Variants in ZNF662 observed in about 807,000 individuals in gnomAD.
ZNF662 encodes zinc finger protein 662.
A neutral mutation model predicts 12.4 loss-of-function variants in ZNF662; 14 were observed. That is an observed-to-expected ratio of 1.13 (90% confidence interval 0.75 to 1.77). The LOEUF (loss-of-function observed/expected upper bound fraction) is 1.77. Ranked by LOEUF, ZNF662 falls within the 40% of genes most tolerant of loss-of-function variation. The pLI, the probability that ZNF662 is intolerant of heterozygous loss-of-function variation, is 0.00. For synonymous variants in ZNF662, 184 were observed against 176.4 expected (o/e 1.04, Z -0.34); for missense variants, 550 against 515.6 (o/e 1.07, Z -0.65).
intron 3 of ZNF662, among the ~76,000 whole-genome samples, 160 bp downstream of exon 3, chr3:42,909,069 A>T (rs553487721): frequency 4.5e-4 from 68 of 152,104 alleles, no homozygotes; most frequent in East Asian, 9.7e-4. Context: ...TTTTAAAAAA[A>T]TTTTTTTTAG....
At position 42,915,105 on chromosome 3, in the gene ZNF662, C is replaced by T; in HGVS notation, c.1032C>T (p.Asn344=). The change falls in exon 5 of 5, where the codon AAC becomes AAT. Residue 344 remains asparagine, a synonymous_variant. Transcript: ENST00000440367. ...ACTGTGGGAAGGGCTTCATGTGGAA[C>T]TCAGATCTTTCTCAGCACCAGAGGG... ...CKDCGKGFMW[N]SDLSQHQRVH... is the part of the protein sequence containing the mutation. 1 of 1,614,078 alleles carries T rather than the reference C, an allele frequency of 6.2e-7. No individual in the cohort carries two copies. Among genetic ancestry groups the T allele is most frequent in the Non-Finnish European group, 8.5e-7 (1 of 1,180,002 alleles).
chr3:42,912,171 A>G (rs1295181512), intron 3 of ZNF662: 1 of 140,892 alleles, frequency 7.1e-6, no homozygotes, highest in Admixed American at 7.7e-5. Flanking sequence ...ATAAAAATAT[A>G]TAAATATATA....
At position 42,913,223 on chromosome 3, in the gene ZNF662, TG is replaced by T; in HGVS notation, c.177del (p.Ile60PhefsTer11). ...SSGYPFLKPA[G>X]ISHPEQVEEP... Reference sequence around the variant, plus strand: ...CAGGATATCCATTTCTAAAGCCTGCTGGGATTTCCCATCCTGAGCAGGTGGA... The same window carrying T: ...CAGGATATCCATTTCTAAAGCCTGCTGGATTTCCCATCCTGAGCAGGTGGA... On this transcript the variant is annotated frameshift_variant, in exon 4 of 5. Transcript: ENST00000440367. LOFTEE classifies it high-confidence loss of function. The T allele has an allele frequency of 6.2e-7, 1 of 1,614,082 alleles. No individual in the cohort carries two copies.
chr3:42,906,478 C>A lies in ZNF662; in HGVS notation c.-94+310C>A, dbSNP rs964718457. Reference sequence around the variant, plus strand: ...GCCGGAGCCTGGAAGCAGTCTTGGCCCTGCCCTGGGTTCTAGGCCCGGAGA... The same window carrying A: ...GCCGGAGCCTGGAAGCAGTCTTGGCACTGCCCTGGGTTCTAGGCCCGGAGA... On this transcript the variant is annotated intron_variant, in intron 1 of 4. Coordinates refer to ENST00000440367, the MANE Select transcript of ZNF662 (RefSeq NM_207404.4). This position sits in a 1 kb window ranked among gnomAD's most constrained non-coding sequence, Gnocchi z 4.4. 9.3e-6 allele frequency: 13 copies of A among 1,404,496 alleles called. No individual in the cohort carries two copies. In the Admixed American group the frequency reaches 2.2e-4, roughly 23 times the overall value. 87.0% of individuals were successfully genotyped at this position (1,404,496 alleles called of 1,614,324 possible). A position where few individuals can be genotyped will look rare whatever the true frequency, so the allele number is the denominator to read the frequency against.
intron 4 of ZNF662, 78 bp from the exon 5 acceptor site, chr3:42,914,249 G>T (rs137878027): frequency 3.5e-5 from 45 of 1,283,700 alleles, no homozygotes; most frequent in Non-Finnish European, 4.6e-5. Flanking sequence ...AGAAGTGGAC[G>T]TATTAATACC....
intron 4 of ZNF662, 128 bp from the exon 5 acceptor site, chr3:42,914,199 A>T: frequency 1.3e-6 from 1 of 778,392 alleles, no homozygotes; most frequent in Non-Finnish European, 2.0e-6. Context: ...TGCCATTTTC[A>T]GCTGGGACAG....
At chr3:42,908,930 C>G (rs768118610) in intron 3 of ZNF662, 21 bp downstream of exon 3, 8 of 1,552,664 alleles carry the variant, frequency 5.2e-6, no homozygotes, top group Non-Finnish European at 7.1e-6. Flanking sequence ...GCACACGTGC[C>G]GGTCATCTGA....
chr3:42,909,277 A>G (rs936050886), intron 3 of ZNF662, among the ~76,000 whole-genome samples: 2 of 152,108 alleles, frequency 1.3e-5, no homozygotes, highest in African/African-American at 4.8e-5. Context: ...CTTAACGAGC[A>G]TGCTTCCTTC....
rs1306615972 is a variant in ZNF662 at position 42,909,744 on chromosome 3, A to G, written c.151+835A>G. On this transcript the variant is annotated intron_variant, in intron 3 of 4. Transcript: ENST00000440367. ...CTGGCCGGGCGGAGGAGCTCCTCAC[A>G]TCTCAGACGGGGCGGCCAGTCAGAG... Among the ~76,000 whole-genome samples, 5 of 146,226 alleles carry G rather than the reference A, an allele frequency of 3.4e-5. No homozygotes were observed. In the East Asian group the frequency reaches 8.5e-4, roughly 25 times the overall value.
At chr3:42,908,967 A>C (rs2088726325) in intron 3 of ZNF662, 58 bp downstream of exon 3, 13 of 1,215,730 alleles carry the variant, frequency 1.1e-5, no homozygotes, top group Non-Finnish European at 1.5e-5. Flanking sequence ...GATCTTTAAA[A>C]TGTCATAGAT....
At position 42,908,076 on chromosome 3, in the gene ZNF662, G is replaced by A. The variant is rs754625908; in HGVS notation, c.-39G>A. 5 of 1,614,154 alleles carry A rather than the reference G, an allele frequency of 3.1e-6. No individual in the cohort carries two copies. The Admixed American group carries it at 5.0e-5, about 16-fold the overall frequency. ...CTACTTCTCTGAGAACGAATGGATC[G>A]GCCTGGGCCCTGCTCAGAGAGCCCT... On this transcript the variant is annotated 5_prime_UTR_variant, in exon 2 of 5. Transcript: ENST00000440367.
chr3:42,912,164 AAAATATAT>A (rs961687080), intron 3 of ZNF662: 57 of 114,724 alleles, frequency 5.0e-4, no homozygotes, highest in South Asian at 4.3e-3. Flanking sequence ...TAAAAATATA[AAAATATAT>A]AAATATATAA....
rs1292427904 is a variant in ZNF662 at position 42,917,286 on chromosome 3, C to T, written c.*1932C>T. The T allele has an allele frequency of 3.6e-6, 2 of 555,300 alleles. No individual in the cohort carries two copies. Among genetic ancestry groups the T allele is most frequent in the Non-Finnish European group, 6.3e-6 (2 of 317,398 alleles). The allele number at this position is 555,300 out of a possible 1,614,324, so 34.4% of individuals were successfully genotyped here. A position where few individuals can be genotyped will look rare whatever the true frequency, so the allele number is the denominator to read the frequency against. On this transcript the variant is annotated 3_prime_UTR_variant, in exon 5 of 5. Transcript: ENST00000440367. ...TGTGTCAATCAGTTTATCCCATCCC[C>T]TTGGCCACAGAGCCATTGTGATATG...
chr3:42,911,326 T>C (rs1437404367), intron 3 of ZNF662, among the ~76,000 whole-genome samples: 1 of 151,892 alleles, frequency 6.6e-6, no homozygotes, highest in African/African-American at 2.4e-5. Context: ...GATACCCAAC[T>C]CCCCACTCCA....
rs2088922316 is a variant in ZNF662 at position 42,918,914 on chromosome 3, C to T, written c.*3560C>T. Among the ~76,000 whole-genome samples the T allele has an allele frequency of 6.6e-6, 1 of 152,096 alleles. No individual in the cohort carries two copies. The highest frequency in any genetic ancestry group is 1.5e-5 in the Non-Finnish European group (1 of 68,016). On this transcript the variant is annotated 3_prime_UTR_variant, in exon 5 of 5. Coordinates refer to ENST00000440367, the MANE Select transcript of ZNF662 (RefSeq NM_207404.4). ...AAAAATCCTAAGGCTGCTGACACAC[C>T]CAGATAACTGGTAGCTATAGTTATG...
At position 42,906,408 on chromosome 3, in the gene ZNF662, C is replaced by T. The variant is rs1029270011; in HGVS notation, c.-94+240C>T. The T allele has an allele frequency of 4.0e-6, 6 of 1,497,950 alleles. No homozygotes were observed. The African/African-American group carries it at 8.7e-5, about 22-fold the overall frequency. 92.8% of individuals were successfully genotyped at this position (1,497,950 alleles called of 1,614,324 possible). A position where few individuals can be genotyped will look rare whatever the true frequency, so the allele number is the denominator to read the frequency against. On this transcript the variant is annotated intron_variant, in intron 1 of 4. Coordinates refer to ENST00000440367, the MANE Select transcript of ZNF662 (RefSeq NM_207404.4). The surrounding 1 kb of genome is among the most constrained non-coding windows in gnomAD (Gnocchi z 4.4). ...GCCTCGGCCTTGTCCTCGAGCTGCT[C>T]CCGGGACAGCCCGCGCTGCCCCGGG...
rs1559379276 is a variant in ZNF662, at chr3:42,906,243, G to T, written c.-94+75G>T. ...GGTCTTACTCCGGTGGCTGCAGGGC[G>T]CAGGGTAGCCGTGTCAGGCCTGCCC... is the stretch of plus-strand genomic sequence containing the variant. On this transcript the variant is annotated intron_variant, in intron 1 of 4. Transcript: ENST00000440367. This position sits in a 1 kb window ranked among gnomAD's most constrained non-coding sequence, Gnocchi z 4.4. 4.0e-6 allele frequency: 4 copies of T among 997,630 alleles called. No homozygotes were observed. Among genetic ancestry groups the T allele is most frequent in the Admixed American group, 2.8e-5 (1 of 36,038 alleles). 61.8% of individuals were successfully genotyped at this position (997,630 alleles called of 1,614,324 possible). A position where few individuals can be genotyped will look rare whatever the true frequency, so the allele number is the denominator to read the frequency against.
rs779541405 is a variant in ZNF662 at position 42,913,088 on chromosome 3, C to T, written c.152-113C>T. Reference sequence around the variant, plus strand: ...ATCAAATTTCTGCTTATCTATGTTACCAATCTTTTCACCCACCTTTATTCT... The same window carrying T: ...ATCAAATTTCTGCTTATCTATGTTATCAATCTTTTCACCCACCTTTATTCT... On this transcript the variant is annotated intron_variant, in intron 3 of 4. Transcript: ENST00000440367. 14 of 725,828 alleles carry T rather than the reference C, an allele frequency of 1.9e-5. No homozygotes were observed. The African/African-American group carries it at 2.1e-4, about 11-fold the overall frequency. 45.0% of individuals were successfully genotyped at this position (725,828 alleles called of 1,614,324 possible). A position where few individuals can be genotyped will look rare whatever the true frequency, so the allele number is the denominator to read the frequency against.
At position 42,914,431 on chromosome 3, in the gene ZNF662, T is replaced by G. The variant is rs1203758172; in HGVS notation, c.358T>G (p.Ser120Ala). The change falls in exon 5 of 5, where the codon TCC (serine) becomes GCC (alanine). Residue 120 changes from serine to alanine, a missense_variant. By Grantham distance (99) the Ser-to-Ala change is moderately conservative. Transcript: ENST00000440367. ...ATCAAGTGGACCCCAGTGGTGTGGA[T>G]CCCAGGAATTATGGTTTGGGAAAAC... Reference protein sequence around the residue: ...VLSSGPQWCGSQELWFGKTCE... With the variant: ...VLSSGPQWCGAQELWFGKTCE... 3 of 1,613,818 alleles carry G rather than the reference T, an allele frequency of 1.9e-6. No individual in the cohort carries two copies. The Admixed American group carries it at 5.0e-5, about 27-fold the overall frequency.
Sources: allele counts gnomAD v4.1 joint callset (sites outside exome capture counted in the v4.1 genomes callset), GRCh38; gene constraint gnomAD v4.1.1; non-coding constraint Gnocchi (gnomAD v3.1); transcripts MANE v1.5; gene names NCBI Gene and HGNC (gene_info 2026-07-23, HGNC 2026-07-21).